The following KCNS3 variants were observed in gnomAD, a reference collection of about 807,000 sequenced individuals.
The protein encoded by KCNS3 is delayed-rectifier potassium channel regulatory subunit KCNS3.
Under a neutral mutation model 31.0 loss-of-function variants are expected in KCNS3, and 13 were observed. That is an observed-to-expected ratio of 0.42 (90% CI 0.27 to 0.67). The LOEUF (loss-of-function observed/expected upper bound fraction) is 0.67, where lower values mean the gene tolerates loss of function less well. Among genes scored for constraint, KCNS3 ranks in the 30% least tolerant of loss-of-function variants. The pLI is 0.25. For missense variants in KCNS3, 545 were observed against 622.4 expected (o/e 0.88, Z 1.32); for synonymous variants, 238 against 241.5 (o/e 0.99, Z 0.13).
intron 1 of KCNS3, among the ~76,000 whole-genome samples, chr2:17,894,604 T>C (rs192369044): frequency 6.6e-6 from 1 of 152,354 alleles, no homozygotes; most frequent in Admixed American, 6.5e-5. Context: ...AAACTTTGAT[T>C]GTGAACATCA....
At chr2:17,899,273 A>T (rs369077890) in intron 1 of KCNS3, among the ~76,000 whole-genome samples, 7 of 152,230 alleles carry the variant, frequency 4.6e-5, no homozygotes, top group African/African-American at 1.7e-4. Context: ...CACAATAGTA[A>T]ATATTGATAT....
intron 2 of KCNS3, among the ~76,000 whole-genome samples, chr2:17,920,422 T>C (rs1662682747): frequency 6.6e-6 from 1 of 152,138 alleles, no homozygotes; most frequent in South Asian, 2.1e-4. Flanking sequence ...TTTGAGAGCA[T>C]GAAGCAACAA....
In KCNS3 at chr2:17,919,205, A is replaced by G. The variant is rs1478573451; in HGVS notation, c.-60+1334A>G. 2.0e-5 allele frequency among the ~76,000 whole-genome samples: 3 copies of G among 152,198 alleles called. No individual in the cohort carries two copies. The East Asian group carries it at 5.8e-4, about 29-fold the overall frequency. ...TTCCAGAGAGTAGCAGTCACACTAA[A>G]TACAGATCCAGAGGGAGTGAGTACA... On this transcript the variant is annotated intron_variant, in intron 2 of 2. Transcript: ENST00000304101.
chr2:17,909,240 C>T (rs1188579481), intron 1 of KCNS3, among the ~76,000 whole-genome samples: 2 of 152,194 alleles, frequency 1.3e-5, no homozygotes, highest in Non-Finnish European at 2.9e-5. Context: ...GCTCCGTGGG[C>T]GTGGGACCCT....
intron 1 of KCNS3, among the ~76,000 whole-genome samples, chr2:17,904,684 C>G (rs1286318506): frequency 6.6e-6 from 1 of 152,138 alleles, no homozygotes; most frequent in Non-Finnish European, 1.5e-5. Flanking sequence ...ATATGGCTAG[C>G]CAGTTTTCCC....
At chr2:17,882,935 A>G (rs1674674523) in intron 1 of KCNS3, among the ~76,000 whole-genome samples, 1 of 152,214 alleles carries the variant, frequency 6.6e-6, no homozygotes, top group South Asian at 2.1e-4. Context: ...ATAAGCTAAA[A>G]TAGTTACTAG....
intron 1 of KCNS3, among the ~76,000 whole-genome samples, chr2:17,910,092 A>T (rs1259137358): frequency 6.6e-6 from 1 of 152,248 alleles, no homozygotes; most frequent in Non-Finnish European, 1.5e-5. Context: ...ACAGGATGTA[A>T]AGGAATCCAG....
At position 17,931,815 on chromosome 2, in the gene KCNS3, G is replaced by A. The variant is rs778207777; in HGVS notation, c.807G>A (p.Thr269=). 1.4e-5 allele frequency: 23 copies of A among 1,614,034 alleles called. No individual in the cohort carries two copies. The highest frequency in any genetic ancestry group is 1.6e-4 in the Middle Eastern group (1 of 6,084). The change falls in exon 3 of 3, where the codon ACG becomes ACA. Residue 269 remains threonine, a synonymous_variant. Transcript: ENST00000304101. The surrounding 1 kb of genome is among the most constrained non-coding windows in gnomAD (Gnocchi z 5.4). ...DFVSIIPFYA[T]LAVDTKEEES... Reference sequence around the variant, plus strand: ...TCTCTATTATTCCCTTCTATGCCACGTTGGCTGTAGACACCAAGGAGGAAG... The same window carrying A: ...TCTCTATTATTCCCTTCTATGCCACATTGGCTGTAGACACCAAGGAGGAAG...
intron 2 of KCNS3, among the ~76,000 whole-genome samples, chr2:17,928,173 T>G (rs1233848755): frequency 6.6e-6 from 1 of 152,230 alleles, no homozygotes; most frequent in African/African-American, 2.4e-5. Context: ...AGTATTCCTT[T>G]ATAGTTCTTT....
chr2:17,932,725 A>G lies in KCNS3; in HGVS notation c.*241A>G, dbSNP rs1177483380. The G allele has an allele frequency of 4.6e-6, 2 of 439,394 alleles. No individual in the cohort carries two copies. Among genetic ancestry groups the G allele is most frequent in the Non-Finnish European group, 8.3e-6 (2 of 240,710 alleles). The allele number at this position is 439,394 out of a possible 1,614,324, so 27.2% of individuals were successfully genotyped here. A position where few individuals can be genotyped will look rare whatever the true frequency, so the allele number is the denominator to read the frequency against. On this transcript the variant is annotated 3_prime_UTR_variant, in exon 3 of 3. Coordinates refer to ENST00000304101, the MANE Select transcript of KCNS3 (RefSeq NM_002252.5). ...AGAGAGAGTTGTGATATAGTTTGGAATATAAGATAAATGGTATTGGGTGGG... is the reference window on the plus strand; with the variant it reads ...AGAGAGAGTTGTGATATAGTTTGGAGTATAAGATAAATGGTATTGGGTGGG...
intron 2 of KCNS3, among the ~76,000 whole-genome samples, chr2:17,920,632 A>G (rs4832520): frequency 0.66 from 100,178 of 152,096 alleles, 33,569 homozygotes; most frequent in East Asian, 0.98. Flanking sequence ...TACTGTATAT[A>G]TAGTGTTCTC....
chr2:17,915,167 T>A (rs144541137), intron 1 of KCNS3, among the ~76,000 whole-genome samples: 253 of 152,262 alleles, frequency 1.7e-3, no homozygotes, highest in African/African-American at 5.8e-3. Flanking sequence ...GAGAGTTTTG[T>A]GAAGAAAGGA....
Position 17,893,453 on chromosome 2 carries a change from G to T in KCNS3, c.-252+14647G>T, listed in dbSNP as rs144261259. ...TTCTGGCCAGGGGGCTTCTCGCCCC[G>T]TTCAAATTGTTACAGAGTTTGCCTA... On this transcript the variant is annotated intron_variant, in intron 1 of 2. Coordinates refer to ENST00000304101, the MANE Select transcript of KCNS3 (RefSeq NM_002252.5). 6.3e-3 allele frequency among the ~76,000 whole-genome samples: 958 copies of T among 152,316 alleles called. 14 individuals are homozygous for T. The highest frequency in any genetic ancestry group is 0.022 in the African/African-American group (908 of 41,572).
chr2:17,888,635 A>ATATCTATC lies in KCNS3; in HGVS notation c.-252+9832_-252+9833insCTATCTAT, dbSNP rs1558446959. Among the ~76,000 whole-genome samples, 33 of 28,520 alleles carry ATATCTATC rather than the reference A, an allele frequency of 1.2e-3. No homozygotes were observed. The East Asian group carries it at 0.025, about 21-fold the overall frequency. The allele number at this position is 28,520 out of a possible 152,430, so 18.7% of individuals were successfully genotyped here. A position where few individuals can be genotyped will look rare whatever the true frequency, so the allele number is the denominator to read the frequency against. On this transcript the variant is annotated intron_variant, in intron 1 of 2. Transcript: ENST00000304101. ...AAAGTATAATAAAAAAAATGTATAT[A>ATATCTATC]TATATATATATATATATATATATAT...
intron 1 of KCNS3, among the ~76,000 whole-genome samples, chr2:17,897,591 A>T (rs746031973): frequency 1.3e-5 from 2 of 152,138 alleles, no homozygotes; most frequent in Non-Finnish European, 2.9e-5. Flanking sequence ...GGCCACTTGT[A>T]TGTCCTCTTT....
chr2:17,909,544 G>A (rs1334425949), intron 1 of KCNS3, among the ~76,000 whole-genome samples: 4 of 152,098 alleles, frequency 2.6e-5, no homozygotes, highest in Non-Finnish European at 5.9e-5. Flanking sequence ...CGTCTTCTGC[G>A]TTGCTCATGC....
intron 1 of KCNS3, among the ~76,000 whole-genome samples, chr2:17,889,791 G>A (rs998544237): frequency 1.3e-5 from 2 of 152,054 alleles, no homozygotes; most frequent in African/African-American, 4.8e-5. Flanking sequence ...GTTGATCATG[G>A]TGGATTATCT....
chr2:17,907,721 C>G (rs1324961177), intron 1 of KCNS3, among the ~76,000 whole-genome samples: 1 of 152,216 alleles, frequency 6.6e-6, no homozygotes, highest in Non-Finnish European at 1.5e-5. Context: ...GCTTAAGAAG[C>G]TTAGTTTGGC....
rs1338583896 is a variant in KCNS3 at position 17,931,031 on chromosome 2, A to G, written c.23A>G (p.His8Arg). The G allele has an allele frequency of 6.2e-7, 1 of 1,613,576 alleles. No homozygotes were observed. The highest frequency in any genetic ancestry group is 1.7e-5 in the Admixed American group (1 of 59,974). The change falls in exon 3 of 3, where the codon CAT becomes CGT. Residue 8 changes from histidine (H) to arginine (R), a missense_variant. Transcript: ENST00000304101. This position sits in a 1 kb window ranked among gnomAD's most constrained non-coding sequence, Gnocchi z 5.4. Reference sequence around the variant, plus strand: ...ACCATGGTGTTTGGTGAGTTTTTCCATCGCCCTGGACAAGACGAGGAACTT... The same window carrying G: ...ACCATGGTGTTTGGTGAGTTTTTCCGTCGCCCTGGACAAGACGAGGAACTT... MVFGEFF[H>R]RPGQDEELVN...
Sources: allele counts gnomAD v4.1 joint callset (sites outside exome capture counted in the v4.1 genomes callset), GRCh38; gene constraint gnomAD v4.1.1; non-coding constraint Gnocchi (gnomAD v3.1); transcripts MANE v1.5; gene names NCBI Gene and HGNC (gene_info 2026-07-23, HGNC 2026-07-21).